PRTFDC1: variants seen among roughly 807,000 people sequenced by gnomAD.
PRTFDC1 encodes phosphoribosyl transferase domain containing 1.
Under a neutral mutation model 34.6 loss-of-function variants are expected in PRTFDC1, and 38 were observed. The ratio of observed to expected loss-of-function variants is 1.10; its 90% CI spans 0.85 to 1.44. The LOEUF (loss-of-function observed/expected upper bound fraction) is 1.44, where lower values mean the gene tolerates loss of function less well. Among genes scored for constraint, PRTFDC1 ranks in the 40% most tolerant of loss-of-function variants. The probability of loss-of-function intolerance (pLI) is 0.00; values close to 1 mark genes in which losing one functional copy is unlikely to be tolerated. For missense variants in PRTFDC1, 270 were observed against 283.0 expected, an observed-to-expected ratio of 0.95 and a Z score of 0.33; for synonymous variants, 93 against 98.1, an observed-to-expected ratio of 0.95 and a Z score of 0.31.
At chr10:24,885,572 A>T (rs2132531680) in intron 3 of PRTFDC1, among the ~76,000 whole-genome samples, 1 of 152,162 alleles carries the variant, frequency 6.6e-6, no homozygotes, top group African/African-American at 2.4e-5. Context: ...TGCCAGGCTA[A>T]TTTTTTTACT....
intron 3 of PRTFDC1, among the ~76,000 whole-genome samples, chr10:24,912,712 C>T (rs1848643993): frequency 6.6e-6 from 1 of 152,090 alleles, no homozygotes; most frequent in African/African-American, 2.4e-5. Flanking sequence ...ATCCTTAACA[C>T]CACTCATTCT....
rs930736118 is a variant in PRTFDC1, at chr10:24,908,767, C to T, written c.339+28417G>A. 81 of 1,467,606 alleles carry T rather than the reference C, an allele frequency of 5.5e-5. 1 individual carries two copies. The highest frequency in any genetic ancestry group is 3.6e-4 in the Admixed American group (16 of 44,798). 90.9% of individuals were successfully genotyped at this position (1,467,606 alleles called of 1,614,324 possible). A position where few individuals can be genotyped will look rare whatever the true frequency, so the allele number is the denominator to read the frequency against. ...GCCCGATCAGCCTGATCAACCCTAGCGATCAATGGGGTGACTGATGCCACA... is the reference window on the plus strand; with the variant it reads ...GCCCGATCAGCCTGATCAACCCTAGTGATCAATGGGGTGACTGATGCCACA... On this transcript the variant is annotated intron_variant, in intron 3 of 8. Transcript: ENST00000320152.
intron 3 of PRTFDC1, among the ~76,000 whole-genome samples, chr10:24,922,515 T>A (rs1039582050): frequency 6.6e-6 from 1 of 152,046 alleles, no homozygotes; most frequent in African/African-American, 2.4e-5. Flanking sequence ...ATAAGTCTCA[T>A]GAGATCTGAT....
chr10:24,927,021 G>C (rs1004705073), intron 3 of PRTFDC1, among the ~76,000 whole-genome samples: 5 of 152,090 alleles, frequency 3.3e-5, no homozygotes, highest in Non-Finnish European at 7.3e-5. Flanking sequence ...AGGCTGTAAG[G>C]AGTGATAACA....
At chr10:24,938,208 G>A (rs574500315) in intron 2 of PRTFDC1, among the ~76,000 whole-genome samples, 15 of 151,312 alleles carry the variant, frequency 9.9e-5, no homozygotes, top group South Asian at 6.3e-4. Context: ...CAGCCTGCGC[G>A]ACAGAGCAAG....
chr10:24,874,373 T>C lies in PRTFDC1; in HGVS notation c.340-2310A>G, dbSNP rs988186299. ...AATGTCAAAGGAGAAAATTTTCTTG[T>C]CACTGCTAGAGATGCTGAAATAGAG... is the stretch of plus-strand genomic sequence containing the variant. On this transcript the variant is annotated intron_variant, in intron 3 of 8. Transcript: ENST00000320152. 1.2e-4 allele frequency among the ~76,000 whole-genome samples: 18 copies of C among 152,174 alleles called. 1 individual carries two copies. Among genetic ancestry groups the C allele is most frequent in the Admixed American group, 1.2e-3 (18 of 15,266 alleles).
chr10:24,906,008 C>T (rs1848529077), intron 3 of PRTFDC1, among the ~76,000 whole-genome samples: 1 of 152,084 alleles, frequency 6.6e-6, no homozygotes, highest in East Asian at 1.9e-4. Context: ...CAAAGTTTGT[C>T]TTTCTGTGCC....
At chr10:24,887,960 T>C (rs187616765) in intron 3 of PRTFDC1, among the ~76,000 whole-genome samples, 1 of 152,338 alleles carries the variant, frequency 6.6e-6, no homozygotes, top group East Asian at 1.9e-4. Context: ...AGGGTCTCAC[T>C]ATATTGCTTA....
chr10:24,894,186 C>A (rs917655622), intron 3 of PRTFDC1, among the ~76,000 whole-genome samples: 1 of 152,082 alleles, frequency 6.6e-6, no homozygotes, highest in Non-Finnish European at 1.5e-5. Context: ...CAAAAATTAG[C>A]TGGGCGTGGC....
At chr10:24,849,976 A>AATTACAGGATGGCAT in intron 8 of PRTFDC1, 85 bp from the exon 9 acceptor site, 1 of 1,255,342 alleles carries the variant, frequency 8.0e-7, no homozygotes, top group Non-Finnish European at 1.2e-6. Context: ...ACCGAATGCC[A>AATTACAGGATGGCAT]TCCTGTAATT....
At chr10:24,856,515 G>A (rs955048858) in intron 6 of PRTFDC1, among the ~76,000 whole-genome samples, 9 of 152,116 alleles carry the variant, frequency 5.9e-5, no homozygotes, top group South Asian at 4.2e-4. Flanking sequence ...TTGAACCCAG[G>A]GGGTGGAGGT....
intron 3 of PRTFDC1, among the ~76,000 whole-genome samples, chr10:24,909,364 T>C (rs1447305284): frequency 1.3e-5 from 2 of 152,216 alleles, no homozygotes; most frequent in Non-Finnish European, 2.9e-5. Context: ...AAGCTATCTT[T>C]TTATTTAAAA....
chr10:24,945,475 G>A (rs1239583820), intron 1 of PRTFDC1, among the ~76,000 whole-genome samples: 1 of 152,168 alleles, frequency 6.6e-6, no homozygotes, highest in African/African-American at 2.4e-5. Flanking sequence ...TTTTTTAAGA[G>A]ACAGAATCTC....
intron 4 of PRTFDC1, among the ~76,000 whole-genome samples, chr10:24,863,474 T>G (rs1368716212): frequency 1.3e-5 from 2 of 152,196 alleles, no homozygotes; most frequent in African/African-American, 2.4e-5. Context: ...CTAAGAGCTC[T>G]GATGGAGATG....
chr10:24,856,194 A>G (rs967800074), intron 6 of PRTFDC1, among the ~76,000 whole-genome samples: 2 of 150,606 alleles, frequency 1.3e-5, no homozygotes, highest in African/African-American at 4.9e-5. Flanking sequence ...ACTTGAGCCC[A>G]GAAGTTTGAG....
intron 3 of PRTFDC1, among the ~76,000 whole-genome samples, chr10:24,936,037 G>A (rs561816256): frequency 7.2e-5 from 11 of 152,236 alleles, no homozygotes; most frequent in South Asian, 2.1e-4. Context: ...GATAATACAC[G>A]TGTATGTTGG....
At chr10:24,923,883 G>A (rs559594211) in intron 3 of PRTFDC1, among the ~76,000 whole-genome samples, 39 of 152,118 alleles carry the variant, frequency 2.6e-4, no homozygotes, top group African/African-American at 6.5e-4. Flanking sequence ...CTAACTCATC[G>A]CAAGGAAGCT....
At chr10:24,911,962 T>A (rs1428937726) in intron 3 of PRTFDC1, among the ~76,000 whole-genome samples, 32 of 152,018 alleles carry the variant, frequency 2.1e-4, no homozygotes, top group Non-Finnish European at 4.4e-5. Context: ...TTGATAAGTG[T>A]GGGTTTACTT....
intron 3 of PRTFDC1, among the ~76,000 whole-genome samples, chr10:24,900,913 G>C (rs1255881078): frequency 6.6e-6 from 1 of 152,164 alleles, no homozygotes; most frequent in Non-Finnish European, 1.5e-5. Flanking sequence ...CCCTACGAAA[G>C]GAGACTATTT....
Sources: allele counts gnomAD v4.1 joint callset (sites outside exome capture counted in the v4.1 genomes callset), GRCh38; gene constraint gnomAD v4.1.1; transcripts MANE v1.5; gene names NCBI Gene and HGNC (gene_info 2026-07-23, HGNC 2026-07-21).